The following COX7B2 variants were observed in gnomAD, a reference collection of about 807,000 sequenced individuals.
COX7B2 encodes cytochrome c oxidase subunit 7B2, also known as cytochrome c oxidase subunit 7B2, mitochondrial.
For synonymous variants in COX7B2, 37 were observed against 32.1 expected (o/e 1.15, Z -0.51); for missense variants, 109 against 95.9 (o/e 1.14, Z -0.57).
At chr4:46,752,755 C>T (rs1169298542) in intron 2 of COX7B2, among the ~76,000 whole-genome samples, 1 of 152,110 alleles carries the variant, frequency 6.6e-6, no homozygotes, top group Non-Finnish European at 1.5e-5. Context: ...AGCCTTGCAT[C>T]CCATGGATGA....
intron 2 of COX7B2, among the ~76,000 whole-genome samples, chr4:46,831,006 G>C (rs1348378166): frequency 6.6e-6 from 1 of 152,210 alleles, no homozygotes; most frequent in Admixed American, 6.5e-5. Context: ...GCTGAGGCCA[G>C]AGCCGGCTCC....
chr4:46,831,855 T>C (rs1369683092), intron 2 of COX7B2, among the ~76,000 whole-genome samples: 1 of 152,132 alleles, frequency 6.6e-6, no homozygotes, highest in Non-Finnish European at 1.5e-5. Context: ...GGAGAACCTT[T>C]ATGTCCAGCT....
chr4:46,898,370 C>T (rs1022934710), intron 1 of COX7B2, among the ~76,000 whole-genome samples: 4 of 151,994 alleles, frequency 2.6e-5, no homozygotes, highest in African/African-American at 4.8e-5. Context: ...TAAATTATTC[C>T]AGTATTTCCC....
chr4:46,881,744 G>A (rs1489094949), intron 1 of COX7B2, among the ~76,000 whole-genome samples: 2 of 152,104 alleles, frequency 1.3e-5, no homozygotes, highest in Admixed American at 6.5e-5. Flanking sequence ...AACAGAATGG[G>A]AGGCATGTTT....
chr4:46,798,110 G>C (rs1263050556), intron 2 of COX7B2, among the ~76,000 whole-genome samples: 1 of 152,104 alleles, frequency 6.6e-6, no homozygotes. Context: ...TCTATCATTA[G>C]TAAAAGATTT....
intron 1 of COX7B2, among the ~76,000 whole-genome samples, chr4:46,850,141 T>TG: frequency 4.0e-5 from 6 of 151,652 alleles, no homozygotes; most frequent in African/African-American, 1.5e-4. Context: ...AATGAGATAC[T>TG]GATTTAAAAA....
rs1001038783 is a variant in COX7B2 at position 46,849,854 on chromosome 4, C to T, written c.-104-4840G>A. Among the ~76,000 whole-genome samples the T allele has an allele frequency of 2.0e-5, 3 of 152,070 alleles. No homozygotes were observed. In the South Asian group the frequency reaches 6.2e-4, roughly 31 times the overall value. The stretch of plus-strand genomic sequence containing the variant: ...CCTCCCCGCTCCCCTCACCCCACAA[C>T]AGGCCCTGGTGTGTGATGTTCCCCT... On this transcript the variant is annotated intron_variant, in intron 1 of 2. Transcript: ENST00000355591.
At chr4:46,898,040 C>T (rs146532530) in intron 1 of COX7B2, among the ~76,000 whole-genome samples, 60 of 152,246 alleles carry the variant, frequency 3.9e-4, no homozygotes, top group African/African-American at 1.3e-3. Context: ...AAAGGGCTTA[C>T]TCATTCTCAT....
chr4:46,877,773 T>C (rs935557907), intron 1 of COX7B2, among the ~76,000 whole-genome samples: 1 of 88,416 alleles, frequency 1.1e-5, no homozygotes, highest in Admixed American at 1.0e-4. Context: ...CCTGGTACAC[T>C]GTTTGTGGGA....
At chr4:46,843,587 T>G (rs1212750503) in intron 2 of COX7B2, among the ~76,000 whole-genome samples, 1 of 151,982 alleles carries the variant, frequency 6.6e-6, no homozygotes, top group South Asian at 2.1e-4. Context: ...AATATTGTAC[T>G]GAGCTTATGG....
intron 1 of COX7B2, among the ~76,000 whole-genome samples, chr4:46,900,059 C>T (rs1016315951): frequency 1.2e-4 from 18 of 151,808 alleles, no homozygotes; most frequent in African/African-American, 4.3e-4. Context: ...AAATCTGTAG[C>T]AATTTGTTTC....
chr4:46,882,248 G>A (rs1161552235), intron 1 of COX7B2, among the ~76,000 whole-genome samples: 3 of 152,130 alleles, frequency 2.0e-5, no homozygotes, highest in Non-Finnish European at 4.4e-5. Flanking sequence ...ACCATTTGGC[G>A]ACGAGAAGAA....
intron 2 of COX7B2, among the ~76,000 whole-genome samples, chr4:46,826,392 G>C (rs1714694430): frequency 6.6e-6 from 1 of 152,140 alleles, no homozygotes; most frequent in Non-Finnish European, 1.5e-5. Context: ...AGGTTGTGGA[G>C]ATAAGGAAAT....
intron 2 of COX7B2, among the ~76,000 whole-genome samples, chr4:46,837,563 G>C (rs1387903742): frequency 1.8e-4 from 27 of 151,582 alleles, no homozygotes; most frequent in Admixed American, 1.8e-3. Flanking sequence ...TTCTCTTTAG[G>C]GTATTAAAAA....
At chr4:46,781,121 G>A (rs560509561) in intron 2 of COX7B2, among the ~76,000 whole-genome samples, 3 of 152,266 alleles carry the variant, frequency 2.0e-5, no homozygotes, top group African/African-American at 4.8e-5. Context: ...CCAACATATA[G>A]CTAGTAGACT....
At chr4:46,803,198 A>C (rs1282394284) in intron 2 of COX7B2, among the ~76,000 whole-genome samples, 2 of 152,166 alleles carry the variant, frequency 1.3e-5, no homozygotes, top group Non-Finnish European at 2.9e-5. Flanking sequence ...AGCATTTAAC[A>C]ACCTTTGGCA....
At chr4:46,785,244 AG>A (rs943884580) in intron 2 of COX7B2, among the ~76,000 whole-genome samples, 6 of 152,248 alleles carry the variant, frequency 3.9e-5, no homozygotes, top group African/African-American at 1.4e-4. Flanking sequence ...TGTTGAAGAA[AG>A]GTATGCCATC....
intron 2 of COX7B2, among the ~76,000 whole-genome samples, chr4:46,751,850 G>A (rs1347016263): frequency 2.0e-5 from 3 of 152,194 alleles, no homozygotes; most frequent in Admixed American, 6.5e-5. Context: ...GCCAGGTAGC[G>A]TGATGCCTCC....
chr4:46,762,961 G>A (rs1490123920), intron 2 of COX7B2, among the ~76,000 whole-genome samples: 1 of 110,280 alleles, frequency 9.1e-6, no homozygotes, highest in African/African-American at 3.5e-5. Flanking sequence ...TCATATATAT[G>A]TTAAATATAT....
Sources: gnomAD v4.1 joint callset for allele counts (sites outside exome capture counted in the v4.1 genomes callset) on GRCh38, gnomAD v4.1.1 for gene constraint, MANE v1.5 for transcripts, NCBI Gene and HGNC (gene_info 2026-07-23, HGNC 2026-07-21) for gene names.